The following LILRA4 variants were observed in gnomAD, a reference collection of about 807,000 sequenced individuals.
LILRA4 encodes the protein leukocyte immunoglobulin-like receptor subfamily A member 4.
A neutral mutation model predicts 49.5 loss-of-function variants in LILRA4; 51 were observed. The observed-to-expected ratio is 1.03, with a 90% CI of 0.82 to 1.30. The LOEUF is 1.30. LILRA4 is among the 50% of genes most tolerant of loss of function. The pLI is 0.00. For synonymous variants in LILRA4, 272 were observed against 265.6 expected (o/e 1.02, Z -0.23); for missense variants, 624 against 625.6 (o/e 1.00, Z 0.03).
rs1237246327 is a variant in LILRA4, at chr19:54,337,458, T to C, written c.894A>G (p.Ala298=). ...SYGGQYRCYG[A]HNVSSEWSAP... ...CCGACCACTCGGAGGAGACGTTGTG[T>C]GCGCCGTAGCATCTGTACTGGCCCC... The change falls in exon 5 of 8, where the codon GCA becomes GCG. Residue 298 remains alanine, a synonymous_variant. Transcript: ENST00000291759. 1 of 1,611,908 alleles carries C rather than the reference T, an allele frequency of 6.2e-7. No homozygotes were observed. The highest frequency in any genetic ancestry group is 1.3e-5 in the African/African-American group (1 of 74,852).
rs1054971424 is a variant in LILRA4 at position 54,338,657 on chromosome 19, A to C, written c.94T>G (p.Trp32Gly). ...GTGATCACGGGACCTGGCTCGGCCC[A>C]CAGGATGGGTTTGAGTAGGTTTTCT... ...QAENLLKPILWAEPGPVITWH... is the reference protein window; with the variant it reads ...QAENLLKPILGAEPGPVITWH... Residue 32 changes from tryptophan (W) to glycine (G), a missense_variant, in exon 3 of 8, where the codon TGG becomes GGG. Physicochemically the swap from Trp to Gly is radical, Grantham distance 184 (BLOSUM62 -2). Coordinates refer to ENST00000291759, the MANE Select transcript of LILRA4 (RefSeq NM_012276.5). 1 of 1,612,980 alleles carries C rather than the reference A, an allele frequency of 6.2e-7. No individual in the cohort carries two copies. Among genetic ancestry groups the C allele is most frequent in the African/African-American group, 1.3e-5 (1 of 74,966 alleles).
rs2081342099 is a variant in LILRA4 at position 54,337,562 on chromosome 19, G to A, written c.790C>T (p.Pro264Ser). The change falls in exon 5 of 8, where the codon CCC becomes TCC. Residue 264 changes from proline (P) to serine (S), a missense_variant. Transcript: ENST00000291759. ...TLYKEGADGL[P>S]QRPGRQPQAG... ...TGGGGCTGCCGGCCAGGGCGCTGGG[G>A]GAGGCCATCGGCCCCCTCCTTGTAC... 6.2e-7 allele frequency: 1 copy of A among 1,613,496 alleles called. No individual in the cohort carries two copies. Among genetic ancestry groups the A allele is most frequent in the Admixed American group, 1.7e-5 (1 of 60,006 alleles).
At chr19:54,334,129 C>T (rs2081299915) in intron 6 of LILRA4, 164 bp from the exon 7 acceptor site, 2 of 614,298 alleles carry the variant, frequency 3.3e-6, no homozygotes, top group Non-Finnish European at 5.8e-6. Flanking sequence ...TTGGGTTTTT[C>T]AACCTCTCTG....
In LILRA4 at chr19:54,337,321, G is replaced by A. The variant is rs918536243; in HGVS notation, c.952+79C>T. On this transcript the variant is annotated intron_variant, in intron 5 of 7. Transcript: ENST00000291759. ...CCTTAGGACCCCCACCCCTCATCCCGGCCATCACCACCTGGGCTCCCCCAG... is the reference window on the plus strand; with the variant it reads ...CCTTAGGACCCCCACCCCTCATCCCAGCCATCACCACCTGGGCTCCCCCAG... The A allele has an allele frequency of 1.5e-5, 21 of 1,363,576 alleles. No individual in the cohort carries two copies. The East Asian group carries it at 2.3e-4, about 15-fold the overall frequency. 84.5% of individuals were successfully genotyped at this position (1,363,576 alleles called of 1,614,324 possible).
At chr19:54,338,938 A>T in intron 1 of LILRA4, 37 bp from the exon 2 acceptor site, 1 of 1,611,954 alleles carries the variant, frequency 6.2e-7, no homozygotes, top group Non-Finnish European at 8.5e-7. Flanking sequence ...TTGCCTCCGA[A>T]GCCTGAGCAG....
At position 54,333,977 on chromosome 19, in the gene LILRA4, A is replaced by AT. The variant is rs776443425; in HGVS notation, c.1256-13_1256-12insA. On this transcript the variant is annotated splice_polypyrimidine_tract_variant and intron_variant, in intron 6 of 7. Transcript: ENST00000291759. ...GGTCTCAGTTGCTCCTAAGAATCAA[A>AT]GAATAAGGATGTTGGTGAGAAGCTG... is the stretch of plus-strand genomic sequence containing the variant. The AT allele has an allele frequency of 3.7e-6, 6 of 1,612,648 alleles. No individual in the cohort carries two copies. The Admixed American group carries it at 1.0e-4, about 27-fold the overall frequency.
In LILRA4 at chr19:54,337,530, C is replaced by T. The variant is rs748321944; in HGVS notation, c.822G>A (p.Gly274=). 1.9e-6 allele frequency: 3 copies of T among 1,613,040 alleles called. No homozygotes were observed. The South Asian group carries it at 3.3e-5, about 18-fold the overall frequency. ...PQRPGRQPQA[G]LSQANFTLSP... The stretch of plus-strand genomic sequence containing the variant: ...TCAGGGTGAAGTTGGCCTGGGAGAG[C>T]CCAGCCTGGGGCTGCCGGCCAGGGC... The change falls in exon 5 of 8, where the codon GGG becomes GGA. Residue 274 remains glycine, a synonymous_variant. Transcript: ENST00000291759.
rs776466981 is a variant in LILRA4, at chr19:54,337,702, G to A, written c.656-6C>T. ...GGAGGGCTTCCTAGACACGCCTGGA[G>A]GGAAAGATGAGTTGGGACTCGGAGC... On this transcript the variant is annotated splice_polypyrimidine_tract_variant and splice_region_variant and intron_variant, in intron 4 of 7. Coordinates refer to ENST00000291759, the MANE Select transcript of LILRA4 (RefSeq NM_012276.5). 3.1e-6 allele frequency: 5 copies of A among 1,611,066 alleles called. No individual in the cohort carries two copies. The highest frequency in any genetic ancestry group is 2.7e-5 in the African/African-American group (2 of 74,960).
rs1203316985 is a variant in LILRA4 at position 54,333,366 on chromosome 19, C to G, written c.*206G>C. On this transcript the variant is annotated 3_prime_UTR_variant, in exon 8 of 8. Transcript: ENST00000291759. The stretch of plus-strand genomic sequence containing the variant: ...ACCCAAACCCACCATAGGGGTGAAG[C>G]CTTACATCATAGGGAAGAAAAACGA... 1.6e-6 allele frequency: 1 copy of G among 611,862 alleles called. No individual in the cohort carries two copies. Among genetic ancestry groups the G allele is most frequent in the Non-Finnish European group, 2.8e-6 (1 of 351,006 alleles). 37.9% of individuals were successfully genotyped at this position (611,862 alleles called of 1,614,324 possible).
rs139811357 is a variant in LILRA4, at chr19:54,337,681, G to A, written c.671C>T (p.Pro224Leu). The change falls in exon 5 of 8, where the codon CCC (proline) becomes CTC (leucine). Residue 224 changes from proline (P) to leucine (L), a missense_variant. By Grantham distance (98) the Pro-to-Leu change is moderately conservative (BLOSUM62 -3). Transcript: ENST00000291759. Reference sequence around the variant, plus strand: ...AGGGCCCTGCAGGGTCAGGAGGGAGGGCTTCCTAGACACGCCTGGAGGGAA... The same window carrying A: ...AGGGCCCTGCAGGGTCAGGAGGGAGAGCTTCCTAGACACGCCTGGAGGGAA... ...QLLVSGVSRK[P>L]SLLTLQGPVV... 319 of 1,612,568 alleles carry A rather than the reference G, an allele frequency of 2.0e-4. 5 individuals carry two copies. In the East Asian group the frequency reaches 7.0e-3, roughly 35 times the overall value.
rs890717545 is a variant in LILRA4 at position 54,333,622 on chromosome 19, T to C, written c.1450A>G (p.Arg484Gly). ...ACTCTGAAGGGTGCATTGTCCTTTCTGCTGTTTGCCTCCTGGCTGCACCTT... is the reference window on the plus strand; with the variant it reads ...ACTCTGAAGGGTGCATTGTCCTTTCCGCTGTTTGCCTCCTGGCTGCACCTT... Reference protein sequence around the residue: ...PPRCSQEANSRKDNAPFRVVE... With the variant: ...PPRCSQEANSGKDNAPFRVVE... Residue 484 changes from arginine to glycine, a missense_variant, in exon 8 of 8, where the codon AGA becomes GGA. Physicochemically the swap from Arg to Gly is moderately radical, Grantham distance 125 (BLOSUM62 -2). Transcript: ENST00000291759. The C allele has an allele frequency of 1.9e-6, 3 of 1,614,078 alleles. No individual in the cohort carries two copies. In the African/African-American group the frequency reaches 4.0e-5, roughly 22 times the overall value.
Position 54,337,683 on chromosome 19 carries a change from C to T in LILRA4, c.669G>A (p.Lys223=). Residue 223 remains lysine (K), a synonymous_variant, in exon 5 of 8, where the codon AAG becomes AAA. Coordinates refer to ENST00000291759, the MANE Select transcript of LILRA4 (RefSeq NM_012276.5). ...GGCCCTGCAGGGTCAGGAGGGAGGGCTTCCTAGACACGCCTGGAGGGAAAG... is the reference window on the plus strand; with the variant it reads ...GGCCCTGCAGGGTCAGGAGGGAGGGTTTCCTAGACACGCCTGGAGGGAAAG... The part of the protein sequence containing the change: ...LQLLVSGVSR[K]PSLLTLQGPV... The T allele has an allele frequency of 1.2e-6, 2 of 1,612,390 alleles. No homozygotes were observed. Among genetic ancestry groups the T allele is most frequent in the Admixed American group, 3.3e-5 (2 of 59,908 alleles).
rs1158094335 is a variant in LILRA4 at position 54,336,840 on chromosome 19, C to G, written c.1255+1G>C. The G allele has an allele frequency of 6.2e-7, 1 of 1,614,186 alleles. No homozygotes were observed. Among genetic ancestry groups the G allele is most frequent in the African/African-American group, 1.3e-5 (1 of 75,064 alleles). On this transcript the variant is annotated splice_donor_variant, in intron 6 of 7. Transcript: ENST00000291759. LOFTEE classifies it high-confidence loss of function. ...AGAGTGGACAGGGTCAGCGCCCTCA[C>G]CTGAGACCACGAGCTCCAGGGGCTC...
chr19:54,338,742 C>T lies in LILRA4; in HGVS notation c.71-62G>A, dbSNP rs1248349375. On this transcript the variant is annotated intron_variant, in intron 2 of 7. Transcript: ENST00000291759. ...TCAACCCTCAGATCCCAGCTCTCAGCCCCAGGACCCCCCTCATCCCCATCA... is the reference window on the plus strand; with the variant it reads ...TCAACCCTCAGATCCCAGCTCTCAGTCCCAGGACCCCCCTCATCCCCATCA... 7 of 1,584,354 alleles carry T rather than the reference C, an allele frequency of 4.4e-6. No homozygotes were observed. In the South Asian group the frequency reaches 5.6e-5, roughly 13 times the overall value.
chr19:54,338,840 C>T (rs1417390152), intron 2 of LILRA4, 26 bp downstream of exon 2: 2 of 1,613,946 alleles, frequency 1.2e-6, no homozygotes, highest in South Asian at 1.1e-5. Flanking sequence ...GGAGGAGGGA[C>T]CTAGGACAGC....
rs999539939 is a variant in LILRA4 at position 54,333,336 on chromosome 19, G to A, written c.*236C>T. 1 of 565,182 alleles carries A rather than the reference G, an allele frequency of 1.8e-6. No individual in the cohort carries two copies. The highest frequency in any genetic ancestry group is 1.9e-5 in the African/African-American group (1 of 52,652). The allele number at this position is 565,182 out of a possible 1,614,324, so 35.0% of individuals were successfully genotyped here. On this transcript the variant is annotated 3_prime_UTR_variant, in exon 8 of 8. Coordinates refer to ENST00000291759, the MANE Select transcript of LILRA4 (RefSeq NM_012276.5). ...GGAGCAGAGCATGAGGTCACAGAGG[G>A]GCGGACCCAAACCCACCATAGGGGT...
chr19:54,338,681 C>T lies in LILRA4; in HGVS notation c.71-1G>A, dbSNP rs2081359418. 3 of 1,605,082 alleles carry T rather than the reference C, an allele frequency of 1.9e-6. No individual in the cohort carries two copies. The highest frequency in any genetic ancestry group is 1.1e-5 in the South Asian group (1 of 90,300). On this transcript the variant is annotated splice_acceptor_variant, in intron 2 of 7. Transcript: ENST00000291759. LOFTEE classifies it high-confidence loss of function. ...CACAGGATGGGTTTGAGTAGGTTTT[C>T]TGGAAGGAAATTACAGGTTAGGTCC...
rs2081295679 is a variant in LILRA4, at chr19:54,333,757, G to C, written c.1315C>G (p.Leu439Val). 1 of 1,614,048 alleles carries C rather than the reference G, an allele frequency of 6.2e-7. No homozygotes were observed. Among genetic ancestry groups the C allele is most frequent in the African/African-American group, 1.3e-5 (1 of 74,918 alleles). The change falls in exon 8 of 8, where the codon CTC becomes GTC. Residue 439 changes from leucine (L) to valine (V), a missense_variant. Coordinates refer to ENST00000291759, the MANE Select transcript of LILRA4 (RefSeq NM_012276.5). ...KKSDSKTAPHLQDYTVENLIR... is the reference protein window; with the variant it reads ...KKSDSKTAPHVQDYTVENLIR... ...AGATTCTCCACTGTGTAATCCTGGA[G>C]GTGTGGGGCTAGGGATGGTGGACAA...
At position 54,338,821 on chromosome 19, in the gene LILRA4, C is replaced by T. The variant is rs750918627; in HGVS notation, c.70+45G>A. ...CAGCTGCCCAGGGGTGGTCCCTTGT[C>T]CCCAGAGAGGAGGAGGGACCTAGGA... On this transcript the variant is annotated intron_variant, in intron 2 of 7. Coordinates refer to ENST00000291759, the MANE Select transcript of LILRA4 (RefSeq NM_012276.5). The T allele has an allele frequency of 4.5e-5, 73 of 1,613,110 alleles. 1 individual carries two copies. The South Asian group carries it at 6.8e-4, about 15-fold the overall frequency.
Sources: gnomAD v4.1 joint callset for allele counts on GRCh38, gnomAD v4.1.1 for gene constraint, MANE v1.5 for transcripts, NCBI Gene and HGNC (gene_info 2026-07-23, HGNC 2026-07-21) for gene names.